The following RABL6 variants were observed in gnomAD, a reference collection of about 807,000 sequenced individuals.
RABL6 encodes the protein rab-like protein 6.
A neutral mutation model predicts 72.9 loss-of-function variants in RABL6; 28 were observed. The observed-to-expected ratio is 0.38, with a 90% CI of 0.28 to 0.53. The LOEUF is 0.53. RABL6 is among the 20% of genes least tolerant of loss of function. The pLI, the probability that RABL6 is intolerant of heterozygous loss-of-function variation, is 0.80. For synonymous variants in RABL6, 477 were observed against 421.2 expected (o/e 1.13, Z -1.62); for missense variants, 1,029 against 1,008.4 (o/e 1.02, Z -0.28).
chr9:136,834,481 T>G, intron 7 of RABL6: 1 of 978,118 alleles, frequency 1.0e-6, no homozygotes. Context: ...TTAATGACTT[T>G]AATACACTCT....
chr9:136,812,101 C>G (rs1400266372), intron 1 of RABL6, among the ~76,000 whole-genome samples: 2 of 152,062 alleles, frequency 1.3e-5, no homozygotes, highest in African/African-American at 4.8e-5. Flanking sequence ...TTGGTCTGTC[C>G]CTTTCTACTG....
At chr9:136,829,574 G>A (rs1438396673) in intron 5 of RABL6, 90 bp downstream of exon 5, 1 of 1,183,388 alleles carries the variant, frequency 8.5e-7, no homozygotes, top group African/African-American at 1.5e-5. Context: ...AATGGTTAGA[G>A]CAGCATCGTT....
rs759242672 is a variant in RABL6 at position 136,839,229 on chromosome 9, A to C, written c.1501A>C (p.Ile501Leu). Residue 501 changes from isoleucine to leucine, a missense_variant, in exon 12 of 15, where the codon ATA (isoleucine) becomes CTA (leucine). Ile to Leu is a conservative substitution (Grantham distance 5). Transcript: ENST00000311502. ...CSEPETKWSS[I>L]PASKPRRGTA... ...CTCTGCTTGTCCACAAAGGTCCTCC[A>C]TACCAGCTTCGAAGCCACGGAGGGG... 4 of 1,599,140 alleles carry C rather than the reference A, an allele frequency of 2.5e-6. No homozygotes were observed. The highest frequency in any genetic ancestry group is 1.3e-5 in the African/African-American group (1 of 74,768).
chr9:136,813,616 A>G (rs1468139980), intron 1 of RABL6: 2 of 300,472 alleles, frequency 6.7e-6, no homozygotes, highest in Non-Finnish European at 1.3e-5. Context: ...GCATCTTCAA[A>G]CACTTTTTTG....
intron 6 of RABL6, 109 bp from the exon 7 acceptor site, chr9:136,832,156 C>T: frequency 9.1e-7 from 1 of 1,094,222 alleles, no homozygotes; most frequent in East Asian, 2.4e-5. Context: ...CCTCAGGAGC[C>T]TGCAGGAGGA....
chr9:136,821,987 G>A lies in RABL6; in HGVS notation c.131-1538G>A, dbSNP rs887685680. 6 of 1,289,602 alleles carry A rather than the reference G, an allele frequency of 4.7e-6. No individual in the cohort carries two copies. The African/African-American group carries it at 9.1e-5, about 20-fold the overall frequency. The allele number at this position is 1,289,602 out of a possible 1,614,324, so 79.9% of individuals were successfully genotyped here. A position where few individuals can be genotyped will look rare whatever the true frequency, so the allele number is the denominator to read the frequency against. ...ATGACCAGAGGCGTTGAAAGTTGGC[G>A]CGTTGAGGTACCTAGGATGGGCGAG... is the stretch of plus-strand genomic sequence containing the variant. On this transcript the variant is annotated intron_variant, in intron 1 of 14. Transcript: ENST00000311502.
At chr9:136,830,205 C>G (rs1350276362) in intron 5 of RABL6, among the ~76,000 whole-genome samples, 2 of 152,246 alleles carry the variant, frequency 1.3e-5, no homozygotes, top group Non-Finnish European at 2.9e-5. Context: ...GCCTGGGGGC[C>G]TAGTCAGCAG....
chr9:136,821,190 A>G (rs1848228424), intron 1 of RABL6: 1 of 409,856 alleles, frequency 2.4e-6, no homozygotes, highest in South Asian at 1.0e-4. Context: ...TTTTTACAAA[A>G]TGAAGGAAGT....
At position 136,831,759 on chromosome 9, in the gene RABL6, C is replaced by T. The variant is rs1230825689; in HGVS notation, c.497C>T (p.Pro166Leu). 5 of 1,613,342 alleles carry T rather than the reference C, an allele frequency of 3.1e-6. No homozygotes were observed. Among genetic ancestry groups the T allele is most frequent in the Admixed American group, 3.3e-5 (2 of 60,002 alleles). Residue 166 changes from proline to leucine, a missense_variant, in exon 6 of 15, where the codon CCC becomes CTC. Pro to Leu is a moderately conservative substitution (Grantham distance 98, BLOSUM62 -3). This residue lies in a region of RABL6 where 434 missense variants were observed against 536.1 expected (regional missense o/e 0.81). Coordinates refer to ENST00000311502, the MANE Select transcript of RABL6 (RefSeq NM_024718.5). ...ATTCTCCGGGAGCTTCCAAAAGTGC[C>T]CACCCACGTGCCAGTGTGCGTGCTG... is the stretch of plus-strand genomic sequence containing the variant. ...NYILRELPKV[P>L]THVPVCVLGN...
At chr9:136,815,361 G>T in intron 1 of RABL6, 1 of 276,702 alleles carries the variant, frequency 3.6e-6, no homozygotes, top group South Asian at 4.0e-5. Context: ...CTTCTTGGCT[G>T]GGGTTGCAGC....
chr9:136,839,176 G>C, intron 11 of RABL6, 46 bp from the exon 12 acceptor site: 10 of 1,601,526 alleles, frequency 6.2e-6, no homozygotes, highest in Non-Finnish European at 8.5e-6. Flanking sequence ...GGGCAGTTCA[G>C]GACGCCTCCA....
chr9:136,808,546 C>T lies in RABL6; in HGVS notation c.130+220C>T, dbSNP rs561496324. 1,158 of 301,674 alleles carry T rather than the reference C, an allele frequency of 3.8e-3. 6 individuals carry two copies. The highest frequency in any genetic ancestry group is 0.024 in the African/African-American group (1,058 of 44,776). 18.7% of individuals were successfully genotyped at this position (301,674 alleles called of 1,614,324 possible). On this transcript the variant is annotated intron_variant, in intron 1 of 14. Transcript: ENST00000311502. ...CGGCCCCCGAGCCGCGGGTCGTTTC[C>T]CAGCCGCACTCGCCTGCCGCGTGTC... is the stretch of plus-strand genomic sequence containing the variant.
chr9:136,821,601 C>G, intron 1 of RABL6: 1 of 987,266 alleles, frequency 1.0e-6, no homozygotes, highest in Non-Finnish European at 1.2e-6. Flanking sequence ...AGCTGTGGGC[C>G]GCGCCCGGGT....
At position 136,839,770 on chromosome 9, in the gene RABL6, C is replaced by G. The variant is rs775826105; in HGVS notation, c.1835C>G (p.Pro612Arg). The change falls in exon 13 of 15, where the codon CCC becomes CGC. Residue 612 changes from proline to arginine, a missense_variant. Pro to Arg is a moderately radical substitution (Grantham distance 103). Coordinates refer to ENST00000311502, the MANE Select transcript of RABL6 (RefSeq NM_024718.5). Reference protein sequence around the residue: ...DEGPAEPPPPPKLPLPAFRLK... With the variant: ...DEGPAEPPPPRKLPLPAFRLK... ...GGCCCTGCCGAGCCGCCCCCACCCC[C>G]CAAGCTCCCTCTCCCCGCCTTCAGA... The G allele has an allele frequency of 5.0e-5, 81 of 1,612,660 alleles. No individual in the cohort carries two copies. The South Asian group carries it at 7.9e-4, about 16-fold the overall frequency.
At chr9:136,813,461 A>G (rs1229133895) in intron 1 of RABL6, 4 of 539,602 alleles carry the variant, frequency 7.4e-6, no homozygotes, top group Non-Finnish European at 1.3e-5. Context: ...CTTTCTCTCC[A>G]TGATAGTGCA....
chr9:136,827,234 G>A (rs1208252472), intron 3 of RABL6: 2 of 152,308 alleles, frequency 1.3e-5, no homozygotes, highest in Non-Finnish European at 2.9e-5. Context: ...CCCACTGTGC[G>A]AGGTGTGAGC....
chr9:136,823,931 G>A (rs1178135066), intron 2 of RABL6, among the ~76,000 whole-genome samples: 4 of 152,236 alleles, frequency 2.6e-5, no homozygotes, highest in Admixed American at 2.0e-4. Context: ...GGGCGCCTCG[G>A]GGGCTGAAAA....
In RABL6 at chr9:136,808,187, G is replaced by C; in HGVS notation, c.-10G>C. ...CGGCCGCGCCCGGGCTGGGACGTCC[G>C]AGCGGGAAGATGTTTTCCGCCCTGA... On this transcript the variant is annotated 5_prime_UTR_variant, in exon 1 of 15. Transcript: ENST00000311502. 4 of 1,514,314 alleles carry C rather than the reference G, an allele frequency of 2.6e-6. No individual in the cohort carries two copies. Among genetic ancestry groups the C allele is most frequent in the Non-Finnish European group, 3.5e-6 (4 of 1,131,496 alleles). The allele number at this position is 1,514,314 out of a possible 1,614,324, so 93.8% of individuals were successfully genotyped here.
chr9:136,820,236 A>G (rs1309429447), intron 1 of RABL6, among the ~76,000 whole-genome samples: 1 of 148,298 alleles, frequency 6.7e-6, no homozygotes, highest in African/African-American at 2.5e-5. Context: ...TAGCTGGCAG[A>G]TGTCTGTAGT....
Sources: allele counts gnomAD v4.1 joint callset (sites outside exome capture counted in the v4.1 genomes callset), GRCh38; gene constraint gnomAD v4.1.1; regional missense constraint gnomAD v4.1.1; transcripts MANE v1.5; gene names NCBI Gene and HGNC (gene_info 2026-07-23, HGNC 2026-07-21).